Variants in CDH13 observed in about 807,000 individuals in gnomAD.
CDH13 encodes cadherin 13.
A neutral mutation model predicts 63.8 loss-of-function variants in CDH13; 24 were observed. The ratio of observed to expected loss-of-function variants is 0.38; its 90% CI spans 0.27 to 0.53. The LOEUF (loss-of-function observed/expected upper bound fraction) is 0.53, where lower values mean the gene tolerates loss of function less well. CDH13 is among the 20% of genes least tolerant of loss of function. The pLI, the probability that CDH13 is intolerant of heterozygous loss-of-function variation, is 0.85. For synonymous variants in CDH13, 503 were observed against 355.3 expected (o/e 1.42, Z -4.67); for missense variants, 1,049 against 903.1 (o/e 1.16, Z -2.07).
intron 3 of CDH13, among the ~76,000 whole-genome samples, chr16:83,086,135 A>G (rs996859688): frequency 1.3e-5 from 2 of 152,304 alleles, no homozygotes; most frequent in African/African-American, 2.4e-5. Flanking sequence ...GAAATACCAA[A>G]CTCAGATACC....
chr16:82,761,204 G>C (rs2034839971), intron 1 of CDH13, among the ~76,000 whole-genome samples: 1 of 150,872 alleles, frequency 6.6e-6, no homozygotes, highest in Non-Finnish European at 1.5e-5. Context: ...TTGTATTTTT[G>C]ACGGGGTTTC....
chr16:83,345,979 A>T (rs1051947886), intron 6 of CDH13, among the ~76,000 whole-genome samples: 1 of 152,164 alleles, frequency 6.6e-6, no homozygotes, highest in African/African-American at 2.4e-5. Flanking sequence ...GGCTCTGGAA[A>T]TGTTGCCATG....
At chr16:83,206,189 T>C (rs1280664654) in intron 4 of CDH13, among the ~76,000 whole-genome samples, 1 of 152,196 alleles carries the variant, frequency 6.6e-6, no homozygotes, top group Non-Finnish European at 1.5e-5. Flanking sequence ...GTCTGCTTCT[T>C]AATATCACAA....
At chr16:82,768,258 G>A (rs1298939746) in intron 1 of CDH13, among the ~76,000 whole-genome samples, 6 of 152,164 alleles carry the variant, frequency 3.9e-5, no homozygotes, top group Non-Finnish European at 8.8e-5. Context: ...CCCTGCAGTG[G>A]CCTGACTGTG....
chr16:83,147,338 C>G (rs2036793299), intron 4 of CDH13, among the ~76,000 whole-genome samples: 1 of 152,226 alleles, frequency 6.6e-6, no homozygotes, highest in African/African-American at 2.4e-5. Flanking sequence ...CAGTCCTCTT[C>G]TAACTGTGCC....
At chr16:83,334,252 C>G (rs2090539049) in intron 5 of CDH13, among the ~76,000 whole-genome samples, 1 of 151,622 alleles carries the variant, frequency 6.6e-6, no homozygotes, top group African/African-American at 2.4e-5. Context: ...GTCTGTCTGT[C>G]TCTCTCTCTG....
intron 1 of CDH13, among the ~76,000 whole-genome samples, chr16:82,795,127 A>C (rs2036519572): frequency 6.6e-6 from 1 of 152,188 alleles, no homozygotes; most frequent in African/African-American, 2.4e-5. Context: ...TGTGGGAAGG[A>C]GTCCATCTTT....
At chr16:83,478,379 C>T (rs1165184280) in intron 6 of CDH13, among the ~76,000 whole-genome samples, 2 of 152,088 alleles carry the variant, frequency 1.3e-5, no homozygotes, top group Non-Finnish European at 2.9e-5. Flanking sequence ...ACTCCTGGCC[C>T]AGCTCCCAGT....
At chr16:83,277,420 G>T (rs1432565990) in intron 5 of CDH13, among the ~76,000 whole-genome samples, 2 of 152,132 alleles carry the variant, frequency 1.3e-5, no homozygotes, top group Non-Finnish European at 2.9e-5. Flanking sequence ...GGGGCCCAGG[G>T]AATCTGCATT....
At chr16:83,242,008 T>G (rs1411918495) in intron 5 of CDH13, among the ~76,000 whole-genome samples, 1 of 152,206 alleles carries the variant, frequency 6.6e-6, no homozygotes, top group Non-Finnish European at 1.5e-5. Flanking sequence ...GAGCTGATTT[T>G]TGTATACGGC....
chr16:82,731,705 C>T (rs916415130), intron 1 of CDH13, among the ~76,000 whole-genome samples: 3 of 152,190 alleles, frequency 2.0e-5, no homozygotes, highest in Non-Finnish European at 2.9e-5. Flanking sequence ...GGAAAAAAAT[C>T]AACAAAAGCA....
intron 1 of CDH13, among the ~76,000 whole-genome samples, chr16:82,670,304 G>A (rs1389885219): frequency 6.6e-6 from 1 of 152,198 alleles, no homozygotes; most frequent in South Asian, 2.1e-4. Flanking sequence ...AGGCGACTTA[G>A]AACAATGGCT....
At chr16:82,685,871 T>C (rs924181470) in intron 1 of CDH13, among the ~76,000 whole-genome samples, 2 of 152,184 alleles carry the variant, frequency 1.3e-5, no homozygotes, top group Non-Finnish European at 1.5e-5. Context: ...GCAGAGACAG[T>C]CCTCTTTTTG....
intron 2 of CDH13, among the ~76,000 whole-genome samples, chr16:83,020,525 G>A (rs1057413015): frequency 1.3e-5 from 2 of 152,090 alleles, no homozygotes; most frequent in Non-Finnish European, 2.9e-5. Context: ...TCAAAAATGG[G>A]GCCACCCTGC....
chr16:82,935,505 G>T lies in CDH13; in HGVS notation c.157+77032G>T, dbSNP rs184551080. 2.0e-3 allele frequency among the ~76,000 whole-genome samples: 305 copies of T among 152,288 alleles called. 1 individual carries two copies. The highest frequency in any genetic ancestry group is 3.7e-3 in the Admixed American group (56 of 15,298). On this transcript the variant is annotated intron_variant, in intron 2 of 13. Transcript: ENST00000567109. Reference sequence around the variant, plus strand: ...TATTTGAATAAATGAGATGCAGCTGGTTTCCAACGTGTTTTCCTAGCATTG... The same window carrying T: ...TATTTGAATAAATGAGATGCAGCTGTTTTCCAACGTGTTTTCCTAGCATTG...
chr16:83,211,551 C>T (rs987100254), intron 4 of CDH13, among the ~76,000 whole-genome samples: 1 of 152,172 alleles, frequency 6.6e-6, no homozygotes, highest in African/African-American at 2.4e-5. Context: ...TCATTCATTA[C>T]AGCTGAGAAT....
chr16:83,670,407 C>G (rs1015009550), intron 8 of CDH13, among the ~76,000 whole-genome samples: 8 of 152,168 alleles, frequency 5.3e-5, no homozygotes, highest in African/African-American at 1.9e-4. Flanking sequence ...CATGTGGTGA[C>G]TCAGGGACAC....
At position 83,744,278 on chromosome 16, in the gene CDH13, G is replaced by C. The variant is rs111910459; in HGVS notation, c.1539-3830G>C. On this transcript the variant is annotated intron_variant, in intron 10 of 13. Transcript: ENST00000567109. ...AGTGCATGTGCCTCGCACAGACCTA[G>C]TGAGGTGATTAATTCTACTGGGAAA... 5.0e-3 allele frequency among the ~76,000 whole-genome samples: 757 copies of C among 152,328 alleles called. 6 individuals are homozygous for C. The highest frequency in any genetic ancestry group is 0.017 in the African/African-American group (719 of 41,572).
chr16:83,156,297 G>C (rs75346723), intron 4 of CDH13, among the ~76,000 whole-genome samples: 3 of 152,160 alleles, frequency 2.0e-5, no homozygotes, highest in African/African-American at 7.2e-5. Flanking sequence ...AAAAGCATGC[G>C]TATTAATGGA....
Sources: allele counts gnomAD v4.1 joint callset (sites outside exome capture counted in the v4.1 genomes callset), GRCh38; gene constraint gnomAD v4.1.1; transcripts MANE v1.5; gene names NCBI Gene and HGNC (gene_info 2026-07-23, HGNC 2026-07-21).